CTNNA3: variants seen among roughly 807,000 people sequenced by gnomAD.
CTNNA3 encodes the protein catenin alpha-3.
In CTNNA3, 76 loss-of-function variants were observed where a neutral mutation model predicts 95.7. The observed-to-expected ratio is 0.79, with a 90% confidence interval of 0.66 to 0.96. CTNNA3 has a LOEUF of 0.96. Ranked by LOEUF, CTNNA3 falls within the 40% of genes least tolerant of loss-of-function variation. CTNNA3 has a pLI of 0.00. For synonymous variants in CTNNA3, 431 were observed against 374.4 expected (o/e 1.15, Z -1.74); for missense variants, 1,191 against 1,089.8 (o/e 1.09, Z -1.31).
At chr10:66,274,918 A>G (rs1419228898) in intron 13 of CTNNA3, among the ~76,000 whole-genome samples, 3 of 152,118 alleles carry the variant, frequency 2.0e-5, no homozygotes, top group Non-Finnish European at 4.4e-5. Context: ...TTAATGTTGT[A>G]TTATAATTTT....
intron 4 of CTNNA3, among the ~76,000 whole-genome samples, chr10:67,524,716 T>C (rs188932395): frequency 6.6e-6 from 1 of 152,286 alleles, no homozygotes; most frequent in African/African-American, 2.4e-5. Context: ...ATATGAAAGC[T>C]GTGGTATAGC....
chr10:66,750,820 T>C (rs1473752195), intron 9 of CTNNA3, among the ~76,000 whole-genome samples: 2 of 152,236 alleles, frequency 1.3e-5, no homozygotes, highest in Non-Finnish European at 2.9e-5. Flanking sequence ...TGTTTGACAA[T>C]ACTGAGTTTT....
intron 7 of CTNNA3, among the ~76,000 whole-genome samples, chr10:67,033,442 G>A (rs1359337217): frequency 6.6e-6 from 1 of 152,126 alleles, no homozygotes; most frequent in Non-Finnish European, 1.5e-5. Context: ...TATTATCTAT[G>A]TATCAATACT....
At chr10:67,122,612 C>T (rs139039869) in intron 7 of CTNNA3, among the ~76,000 whole-genome samples, 1,522 of 152,124 alleles carry the variant, frequency 0.01, 35 homozygotes, top group African/African-American at 0.035. Flanking sequence ...GTAACAAATG[C>T]TGCATATCAA....
chr10:67,091,101 T>C (rs998646338), intron 7 of CTNNA3, among the ~76,000 whole-genome samples: 1 of 151,940 alleles, frequency 6.6e-6, no homozygotes, highest in Non-Finnish European at 1.5e-5. Flanking sequence ...TACCAGCCTG[T>C]ATATAAAGGT....
chr10:67,518,912 T>C (rs1340395969), intron 5 of CTNNA3, among the ~76,000 whole-genome samples: 1 of 151,822 alleles, frequency 6.6e-6, no homozygotes, highest in Non-Finnish European at 1.5e-5. Context: ...ACCAAAAGAG[T>C]GTCCAAATTC....
At chr10:66,464,057 T>G (rs1240276067) in intron 11 of CTNNA3, among the ~76,000 whole-genome samples, 3 of 152,142 alleles carry the variant, frequency 2.0e-5, no homozygotes, top group Non-Finnish European at 4.4e-5. Flanking sequence ...ATTAAATGAC[T>G]TTATTAATAT....
chr10:67,478,079 A>G (rs1181096001), intron 5 of CTNNA3, among the ~76,000 whole-genome samples: 1 of 152,240 alleles, frequency 6.6e-6, no homozygotes, highest in Non-Finnish European at 1.5e-5. Flanking sequence ...ACATGAAGAA[A>G]GAATTTCAGA....
At chr10:66,595,986 T>C (rs918686260) in intron 10 of CTNNA3, among the ~76,000 whole-genome samples, 1 of 151,922 alleles carries the variant, frequency 6.6e-6, no homozygotes, top group African/African-American at 2.4e-5. Flanking sequence ...ATTTTTCAAG[T>C]GCAGCAAGAT....
At chr10:66,771,701 T>C (rs1468433846) in intron 8 of CTNNA3, among the ~76,000 whole-genome samples, 1 of 152,214 alleles carries the variant, frequency 6.6e-6, no homozygotes, top group Admixed American at 6.5e-5. Context: ...TACCATGGCA[T>C]TATTTATTGT....
In CTNNA3 at chr10:67,612,940, T is replaced by C. The variant is rs889699892; in HGVS notation, c.100-5891A>G. Among the ~76,000 whole-genome samples the C allele has an allele frequency of 3.9e-5, 6 of 152,200 alleles. No individual in the cohort carries two copies. In the East Asian group the frequency reaches 1.2e-3, roughly 29 times the overall value. On this transcript the variant is annotated intron_variant, in intron 2 of 17. Transcript: ENST00000433211. ...GCGTCTTCTGAGAGGTCTCACTGCC[T>C]CTGCACCAGCCCTACATTCCCACTA...
At chr10:66,813,074 G>C (rs188734185) in intron 7 of CTNNA3, among the ~76,000 whole-genome samples, 1 of 152,236 alleles carries the variant, frequency 6.6e-6, no homozygotes, top group African/African-American at 2.4e-5. Flanking sequence ...GTGCAGACTG[G>C]CTATTACAAA....
At chr10:65,967,791 T>C (rs2078006096) in intron 16 of CTNNA3, among the ~76,000 whole-genome samples, 1 of 152,160 alleles carries the variant, frequency 6.6e-6, no homozygotes, top group Non-Finnish European at 1.5e-5. Flanking sequence ...TTATAATAAA[T>C]TTATAAAAAT....
intron 12 of CTNNA3, among the ~76,000 whole-genome samples, chr10:66,297,653 G>A (rs1039088393): frequency 2.0e-5 from 3 of 152,106 alleles, no homozygotes; most frequent in South Asian, 2.1e-4. Flanking sequence ...AGATAAAGGT[G>A]GCTTTCAAAA....
intron 13 of CTNNA3, among the ~76,000 whole-genome samples, chr10:66,143,995 G>GT (rs1460278513): frequency 3.3e-5 from 5 of 152,172 alleles, no homozygotes; most frequent in Admixed American, 2.0e-4. Context: ...TGATTGTACT[G>GT]TTTTCCCCCA....
intron 3 of CTNNA3, among the ~76,000 whole-genome samples, chr10:67,562,675 A>G (rs912884188): frequency 4.6e-5 from 7 of 152,186 alleles, no homozygotes; most frequent in Non-Finnish European, 7.3e-5. Context: ...AGGGTATTCA[A>G]TTAGGAAAAG....
At chr10:66,533,722 G>C (rs904844369) in intron 10 of CTNNA3, among the ~76,000 whole-genome samples, 1 of 152,102 alleles carries the variant, frequency 6.6e-6, no homozygotes, top group East Asian at 1.9e-4. Context: ...CTTTTCCCAA[G>C]TGATCAAGTC....
chr10:66,012,265 T>C (rs2079018862), intron 15 of CTNNA3, among the ~76,000 whole-genome samples: 1 of 151,998 alleles, frequency 6.6e-6, no homozygotes, highest in Non-Finnish European at 1.5e-5. Context: ...AGATGTAAGG[T>C]GAAAATAAAA....
chr10:67,648,412 C>T (rs1589531709), intron 1 of CTNNA3, among the ~76,000 whole-genome samples: 1 of 152,276 alleles, frequency 6.6e-6, no homozygotes, highest in East Asian at 1.9e-4. Flanking sequence ...AGCACACTTC[C>T]TGAAATGTAG....
Sources: gnomAD v4.1 joint callset for allele counts (sites outside exome capture counted in the v4.1 genomes callset) on GRCh38, gnomAD v4.1.1 for gene constraint, MANE v1.5 for transcripts, NCBI Gene and HGNC (gene_info 2026-07-23, HGNC 2026-07-21) for gene names.